Variants in CALN1 observed in about 807,000 individuals in gnomAD.
The protein encoded by CALN1 is calcium-binding protein 8.
A neutral mutation model predicts 30.6 loss-of-function variants in CALN1; 17 were observed. The observed-to-expected ratio is 0.56, with a 90% CI of 0.38 to 0.83. The LOEUF (loss-of-function observed/expected upper bound fraction) is 0.83. CALN1 is among the 40% of genes least tolerant of loss of function. The pLI is 0.00. For missense variants in CALN1, 291 were observed against 354.9 expected, an observed-to-expected ratio of 0.82 and a Z score of 1.45; for synonymous variants, 156 against 131.4, an observed-to-expected ratio of 1.19 and a Z score of -1.28.
At chr7:71,803,497 C>A (rs913678664) in intron 6 of CALN1, among the ~76,000 whole-genome samples, 9 of 152,000 alleles carry the variant, frequency 5.9e-5, no homozygotes, top group African/African-American at 2.2e-4. Context: ...CTTTTTTTGG[C>A]AGAGTCTTGC....
intron 1 of CALN1, among the ~76,000 whole-genome samples, chr7:72,436,132 A>T (rs1420533870): frequency 1.3e-5 from 2 of 152,188 alleles, no homozygotes; most frequent in Non-Finnish European, 2.9e-5. Flanking sequence ...GGTTCCTGGG[A>T]TTAGTCCCAG....
Position 71,997,625 on chromosome 7 carries a change from C to A in CALN1, c.501+26032G>T, listed in dbSNP as rs1204904639. 2.0e-5 allele frequency among the ~76,000 whole-genome samples: 3 copies of A among 152,156 alleles called. No individual in the cohort carries two copies. The East Asian group carries it at 5.8e-4, about 29-fold the overall frequency. On this transcript the variant is annotated intron_variant, in intron 5 of 6. Coordinates refer to ENST00000395275, the MANE Select transcript of CALN1 (RefSeq NM_031468.4). Reference sequence around the variant, plus strand: ...AATAAGCCTATGCAAAAACATGTTACAATTGAACTTCTGATGATAACTAAA... The same window carrying A: ...AATAAGCCTATGCAAAAACATGTTAAAATTGAACTTCTGATGATAACTAAA...
chr7:72,165,578 A>G (rs1037562882), intron 3 of CALN1, among the ~76,000 whole-genome samples: 37 of 152,194 alleles, frequency 2.4e-4, no homozygotes, highest in Non-Finnish European at 3.1e-4. Flanking sequence ...ACAGGGCCAA[A>G]AACTCTGTCT....
chr7:71,960,716 T>C (rs1183512714), intron 5 of CALN1, among the ~76,000 whole-genome samples: 3 of 152,218 alleles, frequency 2.0e-5, no homozygotes, highest in Non-Finnish European at 4.4e-5. Context: ...GTTCTAATTT[T>C]AGATCTTTTT....
intron 4 of CALN1, among the ~76,000 whole-genome samples, chr7:72,031,911 T>C (rs1584785394): frequency 6.6e-6 from 1 of 151,620 alleles, no homozygotes; most frequent in East Asian, 2.0e-4. Flanking sequence ...CCAGCTCATT[T>C]TTTGTATTTT....
At chr7:72,286,335 C>T (rs894365966) in intron 2 of CALN1, among the ~76,000 whole-genome samples, 3 of 152,150 alleles carry the variant, frequency 2.0e-5, no homozygotes, top group African/African-American at 4.8e-5. Context: ...TGGATCATAA[C>T]TCCCAGTATG....
intron 3 of CALN1, among the ~76,000 whole-genome samples, chr7:72,214,024 A>G (rs1185423401): frequency 6.6e-6 from 1 of 152,114 alleles, no homozygotes; most frequent in Non-Finnish European, 1.5e-5. Context: ...CCACAGGAGG[A>G]GCACAGGCCT....
chr7:72,401,304 T>A (rs1806325456), intron 2 of CALN1, among the ~76,000 whole-genome samples: 1 of 149,044 alleles, frequency 6.7e-6, no homozygotes, highest in Non-Finnish European at 1.5e-5. Context: ...GTGTTCTCAC[T>A]CCCCTCCACA....
At chr7:71,788,006 C>G in intron 6 of CALN1, 104 bp from the exon 7 acceptor site, 3 of 1,485,438 alleles carry the variant, frequency 2.0e-6, no homozygotes, top group Non-Finnish European at 2.8e-6. Flanking sequence ...CCTCAACAGG[C>G]CAGCAGTGAG....
chr7:71,853,691 T>C (rs929727418), intron 5 of CALN1, among the ~76,000 whole-genome samples: 6 of 152,170 alleles, frequency 3.9e-5, no homozygotes, highest in Non-Finnish European at 7.3e-5. Flanking sequence ...GCAATTCTCC[T>C]GCCTCAGCCT....
chr7:71,788,486 T>C (rs1460004038), intron 6 of CALN1, among the ~76,000 whole-genome samples: 1 of 141,606 alleles, frequency 7.1e-6, no homozygotes, highest in Non-Finnish European at 1.5e-5. Context: ...AGGTTTTTTT[T>C]TGTTGTTTTT....
At chr7:72,336,286 C>G (rs1226121647) in intron 2 of CALN1, among the ~76,000 whole-genome samples, 1 of 152,108 alleles carries the variant, frequency 6.6e-6, no homozygotes, top group Non-Finnish European at 1.5e-5. Flanking sequence ...TGCGGTGCGG[C>G]TCCGAGTCCC....
intron 2 of CALN1, among the ~76,000 whole-genome samples, chr7:72,377,811 T>C (rs889823191): frequency 3.9e-5 from 6 of 152,238 alleles, no homozygotes; most frequent in South Asian, 4.1e-4. Flanking sequence ...AAGTGTGACA[T>C]AGTCTTCACT....
intron 2 of CALN1, among the ~76,000 whole-genome samples, chr7:72,382,577 T>C (rs772412808): frequency 6.6e-5 from 10 of 152,210 alleles, no homozygotes; most frequent in Non-Finnish European, 1.5e-4. Flanking sequence ...GTGAGCATAG[T>C]ACCCAATAGG....
At chr7:72,327,053 C>T (rs1163895626) in intron 2 of CALN1, among the ~76,000 whole-genome samples, 3 of 152,226 alleles carry the variant, frequency 2.0e-5, no homozygotes, top group Non-Finnish European at 2.9e-5. Context: ...CAATCCAACA[C>T]TATTCAGTCA....
At chr7:71,870,150 A>T (rs1388699198) in intron 5 of CALN1, among the ~76,000 whole-genome samples, 1 of 152,212 alleles carries the variant, frequency 6.6e-6, no homozygotes, top group Non-Finnish European at 1.5e-5. Flanking sequence ...TGGGAGTCCG[A>T]GGTGGGCCGA....
At chr7:72,490,255 G>A in the CALN1 span, among the ~76,000 whole-genome samples, 1 of 152,076 alleles carries the variant, frequency 6.6e-6, no homozygotes, top group African/African-American at 2.4e-5. Flanking sequence ...TTTAGAAAAT[G>A]CTTATACAGT....
chr7:72,450,156 C>T (rs552359326), upstream of CALN1, among the ~76,000 whole-genome samples: 7 of 150,122 alleles, frequency 4.7e-5, no homozygotes, highest in African/African-American at 1.5e-4. Flanking sequence ...CCGTGAGCCA[C>T]GATGGTGCTA....
At chr7:72,423,205 C>T (rs577391271) in intron 1 of CALN1, among the ~76,000 whole-genome samples, 5 of 151,570 alleles carry the variant, frequency 3.3e-5, no homozygotes, top group African/African-American at 9.7e-5. Flanking sequence ...TGGAATTATT[C>T]AGAACTTGTA....
Sources: allele counts gnomAD v4.1 joint callset (sites outside exome capture counted in the v4.1 genomes callset), GRCh38; gene constraint gnomAD v4.1.1; transcripts MANE v1.5; gene names NCBI Gene and HGNC (gene_info 2026-07-23, HGNC 2026-07-21).